The following C3orf33 variants were observed in gnomAD, a reference collection of about 807,000 sequenced individuals.
The protein encoded by C3orf33 is AP-1 activity suppressor.
A neutral mutation model predicts 28.7 loss-of-function variants in C3orf33; 23 were observed. The ratio of observed to expected loss-of-function variants is 0.80; its 90% CI spans 0.58 to 1.13. C3orf33 has a LOEUF of 1.13. Among genes scored for constraint, C3orf33 ranks in the 50% most tolerant of loss-of-function variants. The pLI is 0.00. For missense variants in C3orf33, 327 were observed against 353.4 expected, an observed-to-expected ratio of 0.93 and a Z score of 0.60; for synonymous variants, 119 against 120.5, an observed-to-expected ratio of 0.99 and a Z score of 0.08.
intron 1 of C3orf33, among the ~76,000 whole-genome samples, chr3:155,802,905 A>G (rs1219556363): frequency 6.6e-6 from 1 of 152,084 alleles, no homozygotes; most frequent in Non-Finnish European, 1.5e-5. Context: ...ACCCACCCCA[A>G]TACACAGATA....
At chr3:155,785,683 TA>T (rs1488220630) in intron 2 of C3orf33, among the ~76,000 whole-genome samples, 6 of 152,126 alleles carry the variant, frequency 3.9e-5, no homozygotes, top group Admixed American at 3.9e-4. Flanking sequence ...ACTGACAGAA[TA>T]TAGTGAAAGC....
At chr3:155,771,675 G>A (rs1750597515) in intron 3 of C3orf33, among the ~76,000 whole-genome samples, 1 of 152,156 alleles carries the variant, frequency 6.6e-6, no homozygotes, top group South Asian at 2.1e-4. Flanking sequence ...GGAAATACAG[G>A]CATGAGCCAC....
At chr3:155,805,439 G>C (rs1751781402) in intron 1 of C3orf33, among the ~76,000 whole-genome samples, 1 of 152,140 alleles carries the variant, frequency 6.6e-6, no homozygotes, top group African/African-American at 2.4e-5. Flanking sequence ...CTCCAGGCGT[G>C]ACAGAGGGAG....
In C3orf33 at chr3:155,771,032, T is replaced by TGTGTGTGTGTGA. The variant is rs1559988948; in HGVS notation, c.323-3364_323-3363insTCACACACACAC. 6.7e-5 allele frequency among the ~76,000 whole-genome samples: 10 copies of TGTGTGTGTGTGA among 149,404 alleles called. 1 individual carries two copies. Among genetic ancestry groups the TGTGTGTGTGTGA allele is most frequent in the African/African-American group, 2.2e-4 (9 of 40,202 alleles). ...TGCTCTGCCACTGTGTGTGTGTGTG[T>TGTGTGTGTGTGA]GTGTGTGTGTGTGTGTGTGTGTGTT... On this transcript the variant is annotated intron_variant, in intron 3 of 4. Coordinates refer to ENST00000340171, the MANE Select transcript of C3orf33 (RefSeq NM_001308229.2).
chr3:155,774,804 G>A (rs573534517), intron 3 of C3orf33, among the ~76,000 whole-genome samples: 3 of 150,618 alleles, frequency 2.0e-5, no homozygotes, highest in Admixed American at 6.7e-5. Flanking sequence ...CTTCCTCCCT[G>A]TGCCTCAATC....
chr3:155,775,449 A>G (rs925667281), intron 3 of C3orf33, among the ~76,000 whole-genome samples: 2 of 150,706 alleles, frequency 1.3e-5, no homozygotes, highest in Admixed American at 1.3e-4. Context: ...AAATTGCACC[A>G]TTGCACTCCA....
chr3:155,786,564 C>T (rs935007438), intron 2 of C3orf33, among the ~76,000 whole-genome samples: 4 of 152,126 alleles, frequency 2.6e-5, no homozygotes, highest in South Asian at 2.1e-4. Context: ...CAGTGGCTCA[C>T]GTCTGTAATC....
chr3:155,802,083 TTA>T (rs1048826871), intron 2 of C3orf33, among the ~76,000 whole-genome samples: 4 of 152,194 alleles, frequency 2.6e-5, no homozygotes, highest in African/African-American at 7.2e-5. Flanking sequence ...AGAAAAAATA[TTA>T]TGTCTTATGC....
At chr3:155,782,710 T>C (rs1750963564) in intron 2 of C3orf33, among the ~76,000 whole-genome samples, 1 of 152,198 alleles carries the variant, frequency 6.6e-6, no homozygotes, top group Admixed American at 6.6e-5. Flanking sequence ...CCAAGAAAGT[T>C]TGTTACCACA....
chr3:155,798,311 G>T (rs1355359930), intron 2 of C3orf33, among the ~76,000 whole-genome samples: 1 of 152,076 alleles, frequency 6.6e-6, no homozygotes, highest in East Asian at 1.9e-4. Context: ...ACCCAGAATA[G>T]CCAAAGTTAT....
At chr3:155,768,155 C>T (rs1750472741) in intron 3 of C3orf33, among the ~76,000 whole-genome samples, 1 of 152,182 alleles carries the variant, frequency 6.6e-6, no homozygotes, top group African/African-American at 2.4e-5. Flanking sequence ...GCTGGGATTA[C>T]AGGCGTGAGT....
chr3:155,803,267 A>G (rs1030046352), intron 1 of C3orf33, among the ~76,000 whole-genome samples: 1 of 152,136 alleles, frequency 6.6e-6, no homozygotes, highest in African/African-American at 2.4e-5. Context: ...ACAACTAGGT[A>G]TATAAGAAAT....
intron 2 of C3orf33, among the ~76,000 whole-genome samples, chr3:155,787,137 C>A (rs1306931492): frequency 6.6e-6 from 1 of 152,110 alleles, no homozygotes; most frequent in Non-Finnish European, 1.5e-5. Context: ...AAACTATAGA[C>A]CAGTATCTGT....
intron 2 of C3orf33, among the ~76,000 whole-genome samples, chr3:155,783,530 G>A (rs565175573): frequency 6.1e-5 from 9 of 147,938 alleles, no homozygotes; most frequent in East Asian, 2.0e-4. Context: ...GCAGTGGCAC[G>A]ATCTTGGCTC....
Position 155,773,899 on chromosome 3 carries a change from C to G in C3orf33, c.322+1802G>C, listed in dbSNP as rs78772387. On this transcript the variant is annotated intron_variant, in intron 3 of 4. Transcript: ENST00000340171. Reference sequence around the variant, plus strand: ...CCAAAGGCCATCCTTGGTAATCTCTCTTCAGGGAGCAACACTCATTAAAAC... The same window carrying G: ...CCAAAGGCCATCCTTGGTAATCTCTGTTCAGGGAGCAACACTCATTAAAAC... Among the ~76,000 whole-genome samples, 1,367 of 152,294 alleles carry G rather than the reference C, an allele frequency of 9.0e-3. 34 individuals are homozygous for G. Among genetic ancestry groups the G allele is most frequent in the South Asian group, 0.07 (338 of 4,832 alleles).
chr3:155,767,471 G>T, intron 4 of C3orf33, 38 bp downstream of exon 4: 3 of 1,398,952 alleles, frequency 2.1e-6, no homozygotes, highest in Non-Finnish European at 2.9e-6. Flanking sequence ...GTAATAAGAA[G>T]AATAAGATAT....
In C3orf33 at chr3:155,763,892, A is replaced by G; in HGVS notation, c.510T>C (p.Asn170=). Residue 170 remains asparagine (N), a synonymous_variant, in exon 5 of 5, where the codon AAT becomes AAC. Coordinates refer to ENST00000340171, the MANE Select transcript of C3orf33 (RefSeq NM_001308229.2). ...CAAGGCCTCTTCTCAAAATTTCTTCATTCAGATTCACGCTGAAATATCCAC... is the reference window on the plus strand; with the variant it reads ...CAAGGCCTCTTCTCAAAATTTCTTCGTTCAGATTCACGCTGAAATATCCAC... The part of the protein sequence containing the change: ...SKGGYFSVNL[N]EEILRRGLGK... 2 of 1,485,400 alleles carry G rather than the reference A, an allele frequency of 1.3e-6. No homozygotes were observed. Among genetic ancestry groups the G allele is most frequent in the Non-Finnish European group, 1.8e-6 (2 of 1,121,686 alleles). The allele number at this position is 1,485,400 out of a possible 1,614,324, so 92.0% of individuals were successfully genotyped here. A position where few individuals can be genotyped will look rare whatever the true frequency, so the allele number is the denominator to read the frequency against.
At chr3:155,775,673 A>G (rs543861380) in intron 3 of C3orf33, 28 bp downstream of exon 3, 2 of 1,406,358 alleles carry the variant, frequency 1.4e-6, no homozygotes, top group Admixed American at 4.7e-5. Context: ...CACAATAGTT[A>G]GTTTCATTAA....
chr3:155,797,524 T>C (rs1230395502), intron 2 of C3orf33, among the ~76,000 whole-genome samples: 4 of 152,184 alleles, frequency 2.6e-5, no homozygotes, highest in Admixed American at 6.5e-5. Flanking sequence ...ATTTTTCTTG[T>C]TTGCAGATGA....
Sources: gnomAD v4.1 joint callset for allele counts (sites outside exome capture counted in the v4.1 genomes callset) on GRCh38, gnomAD v4.1.1 for gene constraint, MANE v1.5 for transcripts, NCBI Gene and HGNC (gene_info 2026-07-23, HGNC 2026-07-21) for gene names.